Variants in ALDH6A1 observed in about 807,000 individuals in gnomAD.
ALDH6A1 encodes methylmalonate-semialdehyde/malonate-semialdehyde dehydrogenase [acylating], mitochondrial.
Under a neutral mutation model 62.6 loss-of-function variants are expected in ALDH6A1, and 43 were observed. The observed-to-expected ratio is 0.69, with a 90% confidence interval of 0.54 to 0.89. The LOEUF is 0.89. Among genes scored for constraint, ALDH6A1 ranks in the 40% least tolerant of loss-of-function variants. ALDH6A1 has a pLI of 0.00. For missense variants in ALDH6A1, 551 were observed against 661.3 expected, an observed-to-expected ratio of 0.83 and a Z score of 1.83; for synonymous variants, 194 against 234.2, an observed-to-expected ratio of 0.83 and a Z score of 1.57.
At chr14:74,078,087 C>T in intron 1 of ALDH6A1, 1 of 419,194 alleles carries the variant, frequency 2.4e-6, no homozygotes, top group Non-Finnish European at 4.7e-6. Flanking sequence ...ATAATAAACA[C>T]TTATTGTTTA....
intron 1 of ALDH6A1, chr14:74,081,413 TTTA>T (rs2060666678): frequency 6.6e-6 from 1 of 152,184 alleles, no homozygotes; most frequent in Non-Finnish European, 1.5e-5. Context: ...CCACTTAAAT[TTTA>T]TTTTTTCACT....
intron 2 of ALDH6A1, among the ~76,000 whole-genome samples, chr14:74,074,071 G>A (rs865936011): frequency 2.7e-5 from 4 of 150,014 alleles, no homozygotes; most frequent in Admixed American, 1.3e-4. Context: ...TGCAACCTCT[G>A]CCTCCCAGGC....
chr14:74,084,224 G>T lies in ALDH6A1; in HGVS notation c.48+123C>A, dbSNP rs1448564984. On this transcript the variant is annotated intron_variant, in intron 1 of 11. Coordinates refer to ENST00000553458, the MANE Select transcript of ALDH6A1 (RefSeq NM_005589.4). ...CATGGGACAGGGCCGCACAGGTCGGGTAGGAGGTCTGGCCAAAAAGGGGTT... is the reference window on the plus strand; with the variant it reads ...CATGGGACAGGGCCGCACAGGTCGGTTAGGAGGTCTGGCCAAAAAGGGGTT... 5 of 1,433,676 alleles carry T rather than the reference G, an allele frequency of 3.5e-6. No individual in the cohort carries two copies. In the African/African-American group the frequency reaches 5.6e-5, roughly 16 times the overall value. The allele number at this position is 1,433,676 out of a possible 1,614,324, so 88.8% of individuals were successfully genotyped here. A position where few individuals can be genotyped will look rare whatever the true frequency, so the allele number is the denominator to read the frequency against.
chr14:74,081,926 C>T (rs1434167681), intron 1 of ALDH6A1, among the ~76,000 whole-genome samples: 1 of 152,094 alleles, frequency 6.6e-6, no homozygotes, highest in African/African-American at 2.4e-5. Context: ...AATTTTCTTG[C>T]CCAGGTGCAG....
chr14:74,080,338 C>T (rs1181418119), intron 1 of ALDH6A1, among the ~76,000 whole-genome samples: 3 of 151,406 alleles, frequency 2.0e-5, no homozygotes, highest in Non-Finnish European at 4.4e-5. Flanking sequence ...CTTCCTAACA[C>T]ATCTCTCAGC....
At position 74,057,565 on chromosome 14, in the gene ALDH6A1, G is replaced by A; in HGVS notation, c.*3077C>T. The A allele has an allele frequency of 7.5e-7, 1 of 1,329,480 alleles. No homozygotes were observed. Among genetic ancestry groups the A allele is most frequent in the South Asian group, 1.4e-5 (1 of 73,296 alleles). 82.4% of individuals were successfully genotyped at this position (1,329,480 alleles called of 1,614,324 possible). A position where few individuals can be genotyped will look rare whatever the true frequency, so the allele number is the denominator to read the frequency against. On this transcript the variant is annotated 3_prime_UTR_variant, in exon 12 of 12. Transcript: ENST00000553458. The stretch of plus-strand genomic sequence containing the variant: ...GTAAGAGTAAACATAGTGACCTTGT[G>A]ACTCTTAGCTTTCCATCACAGGTGG...
chr14:74,061,221 G>C (rs1481755705), intron 11 of ALDH6A1, among the ~76,000 whole-genome samples: 1 of 152,040 alleles, frequency 6.6e-6, no homozygotes, highest in African/African-American at 2.4e-5. Flanking sequence ...CAAGTGATCC[G>C]CCTTCCTCGG....
In ALDH6A1 at chr14:74,067,013, C is replaced by T. The variant is rs981391009; in HGVS notation, c.1043-127G>A. ...GGAGGACTGCTTGAGCCCAGGAGTT[C>T]CAGACCAGCCTGGGCAACAAAGTGA... On this transcript the variant is annotated intron_variant, in intron 8 of 11. Coordinates refer to ENST00000553458, the MANE Select transcript of ALDH6A1 (RefSeq NM_005589.4). 3.4e-6 allele frequency: 3 copies of T among 893,316 alleles called. No homozygotes were observed. In the South Asian group the frequency reaches 4.3e-5, roughly 13 times the overall value. The allele number at this position is 893,316 out of a possible 1,614,324, so 55.3% of individuals were successfully genotyped here.
At position 74,057,389 on chromosome 14, in the gene ALDH6A1, G is replaced by C. The variant is rs1213003345; in HGVS notation, c.*3253C>G. ...GGATCAGTGGAATGAGTAATAAATA[G>C]CATTAGTAGATTACATAAATTTTTA... On this transcript the variant is annotated 3_prime_UTR_variant, in exon 12 of 12. Coordinates refer to ENST00000553458, the MANE Select transcript of ALDH6A1 (RefSeq NM_005589.4). The C allele has an allele frequency of 6.5e-7, 1 of 1,542,486 alleles. No homozygotes were observed.
intron 1 of ALDH6A1, among the ~76,000 whole-genome samples, chr14:74,079,241 CTGAGG>C (rs2060645720): frequency 6.6e-6 from 1 of 151,526 alleles, no homozygotes; most frequent in Admixed American, 6.6e-5. Flanking sequence ...CTTTGGGAGG[CTGAGG>C]TGGGAAGATC....
In ALDH6A1 at chr14:74,059,278, A is replaced by T. The variant is rs1272940583; in HGVS notation, c.*1364T>A. On this transcript the variant is annotated 3_prime_UTR_variant, in exon 12 of 12. Coordinates refer to ENST00000553458, the MANE Select transcript of ALDH6A1 (RefSeq NM_005589.4). ...AAATACAGGCAAGAGAAAAGAATAT[A>T]TAAAATTTGGCAAGTAATAGCAGGT... 2.5e-6 allele frequency: 1 copy of T among 405,590 alleles called. No individual in the cohort carries two copies. Among genetic ancestry groups the T allele is most frequent in the Non-Finnish European group, 4.9e-6 (1 of 203,292 alleles). 25.1% of individuals were successfully genotyped at this position (405,590 alleles called of 1,614,324 possible). A position where few individuals can be genotyped will look rare whatever the true frequency, so the allele number is the denominator to read the frequency against.
At position 74,060,715 on chromosome 14, in the gene ALDH6A1, A is replaced by G. The variant is rs1395976929; in HGVS notation, c.1535T>C (p.Ile512Thr). Residue 512 changes from isoleucine to threonine, a missense_variant, in exon 12 of 12, where the codon ATT becomes ACT. Ile to Thr is a moderately conservative substitution (Grantham distance 89). Coordinates refer to ENST00000553458, the MANE Select transcript of ALDH6A1 (RefSeq NM_005589.4). ...ATCTTCTTCTTTCCACTGAGAAGTAATGGTCTTTAACTGAGTGTAGAATTG... is the reference window on the plus strand; with the variant it reads ...ATCTTCTTCTTTCCACTGAGAAGTAGTGGTCTTTAACTGAGTGTAGAATTG... ...GIQFYTQLKT[I>T]TSQWKEEDAT... 2 of 1,613,622 alleles carry G rather than the reference A, an allele frequency of 1.2e-6. No homozygotes were observed. The highest frequency in any genetic ancestry group is 8.5e-7 in the Non-Finnish European group (1 of 1,179,558).
At chr14:74,072,919 C>G (rs935916705) in intron 2 of ALDH6A1, among the ~76,000 whole-genome samples, 3 of 151,942 alleles carry the variant, frequency 2.0e-5, no homozygotes, top group African/African-American at 7.3e-5. Flanking sequence ...CTTGCCTCAG[C>G]CCTTCGAGTA....
Position 74,067,389 on chromosome 14 carries a change from C to T in ALDH6A1, c.1033G>A (p.Val345Ile), listed in dbSNP as rs767066453. 2 of 1,613,296 alleles carry T rather than the reference C, an allele frequency of 1.2e-6. No individual in the cohort carries two copies. Among genetic ancestry groups the T allele is most frequent in the South Asian group, 2.2e-5 (2 of 91,040 alleles). ...TCAGGTGATTGATTACCTGCATTGACTCTCAGGTTTTTGGCATGCTCCACC... is the reference window on the plus strand; with the variant it reads ...TCAGGTGATTGATTACCTGCATTGATTCTCAGGTTTTTGGCATGCTCCACC... ...ELVEHAKNLR[V>I]NAGDQPGADL... is the part of the protein sequence containing the mutation. Residue 345 changes from valine to isoleucine, a missense_variant, in exon 8 of 12, where the codon GTC becomes ATC. By Grantham distance (29) the Val-to-Ile change is conservative. Coordinates refer to ENST00000553458, the MANE Select transcript of ALDH6A1 (RefSeq NM_005589.4).
chr14:74,064,571 A>G (rs560219065), intron 11 of ALDH6A1: 1 of 899,202 alleles, frequency 1.1e-6, no homozygotes, highest in Non-Finnish European at 1.9e-6. Context: ...CACTCAGGAA[A>G]TGGCATATAC....
intron 6 of ALDH6A1, 74 bp from the exon 7 acceptor site, chr14:74,069,055 C>G: frequency 6.7e-7 from 1 of 1,502,324 alleles, no homozygotes; most frequent in Non-Finnish European, 9.2e-7. Context: ...CCCCTTTCCC[C>G]ACTGCTATGG....
At chr14:74,071,752 C>T in intron 5 of ALDH6A1, 144 bp downstream of exon 5, 1 of 1,442,756 alleles carries the variant, frequency 6.9e-7, no homozygotes, top group Non-Finnish European at 9.6e-7. Context: ...ATACTGAATA[C>T]TGCCATTTTT....
rs1255748276 is a variant in ALDH6A1 at position 74,065,255 on chromosome 14, C to T, written c.1330G>A (p.Gly444Arg). 1 of 1,614,110 alleles carries T rather than the reference C, an allele frequency of 6.2e-7. No homozygotes were observed. Among genetic ancestry groups the T allele is most frequent in the South Asian group, 1.1e-5 (1 of 91,088 alleles). Residue 444 changes from glycine (G) to arginine (R), a missense_variant, in exon 10 of 12, where the codon GGA becomes AGA. Physicochemically the swap from Gly to Arg is moderately radical, Grantham distance 125. Coordinates refer to ENST00000553458, the MANE Select transcript of ALDH6A1 (RefSeq NM_005589.4). ...GTGGTGAAGATGGCAGTTCCATTTC[C>T]ATATGGGTTGTTATTTACAATCTGG... The part of the protein sequence containing the change: ...AIQIVNNNPY[G>R]NGTAIFTTNG...
chr14:74,071,385 T>C lies in ALDH6A1; in HGVS notation c.540A>G (p.Ala180=). 3 of 1,614,136 alleles carry C rather than the reference T, an allele frequency of 1.9e-6. No homozygotes were observed. The highest frequency in any genetic ancestry group is 2.5e-6 in the Non-Finnish European group (3 of 1,180,026). ...YSYRLPLGVC[A]GIAPFNFPAM... The stretch of plus-strand genomic sequence containing the variant: ...CAGGAAAATTGAATGGAGCAATGCC[T>C]GCACACACTCCCAGAGGCAGACGGT... The change falls in exon 6 of 12, where the codon GCA becomes GCG. Residue 180 remains alanine, a synonymous_variant. Transcript: ENST00000553458.
Sources: gnomAD v4.1 joint callset for allele counts (sites outside exome capture counted in the v4.1 genomes callset) on GRCh38, gnomAD v4.1.1 for gene constraint, MANE v1.5 for transcripts, NCBI Gene and HGNC (gene_info 2026-07-23, HGNC 2026-07-21) for gene names.